FBXL17: variants seen among roughly 807,000 people sequenced by gnomAD.
FBXL17 encodes the protein F-box/LRR-repeat protein 17.
FBXL17 carries 22 observed loss-of-function variants against 66.2 expected under a neutral mutation model. The ratio of observed to expected loss-of-function variants is 0.33; its 90% confidence interval spans 0.24 to 0.47. FBXL17 has a LOEUF of 0.47. FBXL17 is among the 20% of genes least tolerant of loss of function. FBXL17 has a pLI of 1.00. For synonymous variants in FBXL17, 474 were observed against 400.5 expected, an observed-to-expected ratio of 1.18 and a Z score of -2.19; for missense variants, 878 against 948.2, an observed-to-expected ratio of 0.93 and a Z score of 0.97.
chr5:107,990,054 A>G (rs1753177855), intron 7 of FBXL17, among the ~76,000 whole-genome samples: 1 of 152,184 alleles, frequency 6.6e-6, no homozygotes, highest in Non-Finnish European at 1.5e-5. Flanking sequence ...TAACTGAGCA[A>G]CATATTCTAG....
intron 4 of FBXL17, among the ~76,000 whole-genome samples, chr5:108,302,927 G>C (rs1304877235): frequency 6.6e-6 from 1 of 151,586 alleles, no homozygotes; most frequent in Non-Finnish European, 1.5e-5. Flanking sequence ...ATACAGAAAG[G>C]CAATTTACGT....
At chr5:108,371,992 T>C (rs1371939475) in intron 1 of FBXL17, among the ~76,000 whole-genome samples, 1 of 152,148 alleles carries the variant, frequency 6.6e-6, no homozygotes, top group Non-Finnish European at 1.5e-5. Context: ...AAGCCTGCTC[T>C]CCAATTCTCC....
chr5:107,975,250 G>C (rs1752533423), intron 7 of FBXL17, among the ~76,000 whole-genome samples: 1 of 151,926 alleles, frequency 6.6e-6, no homozygotes, highest in Admixed American at 6.6e-5. Flanking sequence ...AGCACATCCA[G>C]GATAAGACAG....
At chr5:108,376,786 CTTT>C (rs11286870) in intron 1 of FBXL17, among the ~76,000 whole-genome samples, 59 of 109,976 alleles carry the variant, frequency 5.4e-4, no homozygotes, top group South Asian at 1.1e-3. Flanking sequence ...AGTGTATATT[CTTT>C]TTTTTTTTTT....
chr5:108,198,827 A>G (rs1753779661), intron 5 of FBXL17, among the ~76,000 whole-genome samples: 2 of 152,204 alleles, frequency 1.3e-5, no homozygotes, highest in African/African-American at 4.8e-5. Context: ...GTTAATGACT[A>G]TGCTACAGGG....
intron 5 of FBXL17, among the ~76,000 whole-genome samples, chr5:108,187,643 T>G (rs867400388): frequency 6.6e-6 from 1 of 152,300 alleles, no homozygotes; most frequent in African/African-American, 2.4e-5. Context: ...GAAACAGCCC[T>G]CAGCTGCCAG....
chr5:108,064,746 T>C (rs1299024244), intron 6 of FBXL17, among the ~76,000 whole-genome samples: 1 of 152,196 alleles, frequency 6.6e-6, no homozygotes, highest in East Asian at 1.9e-4. Context: ...AGTACAGAAT[T>C]TGCCTGATGG....
At chr5:108,348,316 G>T in intron 4 of FBXL17, 83 bp downstream of exon 4, 1 of 1,279,156 alleles carries the variant, frequency 7.8e-7, no homozygotes, top group Non-Finnish European at 1.1e-6. Flanking sequence ...AAGAAAATAA[G>T]CAGAAAAAAT....
intron 4 of FBXL17, among the ~76,000 whole-genome samples, chr5:108,237,970 ATTTG>A (rs1449448408): frequency 1.3e-5 from 2 of 152,234 alleles, no homozygotes; most frequent in African/African-American, 2.4e-5. Flanking sequence ...AAATTTTTCC[ATTTG>A]TTTACTCAAC....
intron 6 of FBXL17, among the ~76,000 whole-genome samples, chr5:108,121,079 C>G (rs996509271): frequency 6.6e-6 from 1 of 152,098 alleles, no homozygotes; most frequent in East Asian, 1.9e-4. Flanking sequence ...CCTGCAATCC[C>G]AACACTTTGG....
chr5:107,935,401 A>G (rs1750868078), intron 7 of FBXL17, among the ~76,000 whole-genome samples: 2 of 146,880 alleles, frequency 1.4e-5, no homozygotes, highest in Admixed American at 1.3e-4. Context: ...ATCTCTCTTT[A>G]TATATATATA....
intron 7 of FBXL17, among the ~76,000 whole-genome samples, chr5:107,988,094 A>T (rs1188611360): frequency 6.6e-6 from 1 of 152,008 alleles, no homozygotes; most frequent in Non-Finnish European, 1.5e-5. Flanking sequence ...GGTTTTCTCA[A>T]TTTTAAAATA....
intron 4 of FBXL17, among the ~76,000 whole-genome samples, chr5:108,278,109 C>G (rs557195644): frequency 6.6e-6 from 1 of 152,220 alleles, no homozygotes; most frequent in East Asian, 1.9e-4. Context: ...GGAGTTATCC[C>G]CAGTATGGGA....
In FBXL17 at chr5:108,170,126, T is replaced by C. The variant is rs2161189; in HGVS notation, c.1745+15991A>G. ...TGTGCACAATACAATATTAAAATCA[T>C]TGGTAATTTATTAATGAAAAAAAAT... is the stretch of plus-strand genomic sequence containing the variant. On this transcript the variant is annotated intron_variant, in intron 6 of 8. Coordinates refer to ENST00000542267, the MANE Select transcript of FBXL17 (RefSeq NM_001163315.3). Among the ~76,000 whole-genome samples, 13 of 152,136 alleles carry C rather than the reference T, an allele frequency of 8.5e-5. No individual in the cohort carries two copies. The East Asian group carries it at 1.5e-3, about 18-fold the overall frequency.
intron 4 of FBXL17, among the ~76,000 whole-genome samples, chr5:108,245,763 T>C (rs1756067535): frequency 6.6e-6 from 1 of 152,130 alleles, no homozygotes; most frequent in Non-Finnish European, 1.5e-5. Context: ...TTTATACAAA[T>C]CTGTTTAACT....
At chr5:108,293,338 G>A (rs1438366117) in intron 4 of FBXL17, among the ~76,000 whole-genome samples, 1 of 152,056 alleles carries the variant, frequency 6.6e-6, no homozygotes, top group African/African-American at 2.4e-5. Context: ...ACTACTGAAA[G>A]CTTTCACATC....
chr5:108,249,676 C>T (rs1188979899), intron 4 of FBXL17, among the ~76,000 whole-genome samples: 1 of 152,094 alleles, frequency 6.6e-6, no homozygotes, highest in African/African-American at 2.4e-5. Context: ...CTGGGTTTGG[C>T]CTCAGTTCAT....
chr5:108,162,143 T>G (rs1287314153), intron 6 of FBXL17, among the ~76,000 whole-genome samples: 1 of 152,206 alleles, frequency 6.6e-6, no homozygotes, highest in African/African-American at 2.4e-5. Context: ...TATGTGAAGG[T>G]AGGAAATCCA....
At chr5:107,933,113 C>T (rs1023936096) in intron 7 of FBXL17, among the ~76,000 whole-genome samples, 1 of 152,048 alleles carries the variant, frequency 6.6e-6, no homozygotes, top group African/African-American at 2.4e-5. Flanking sequence ...AGGTATGGAA[C>T]GGTACTGAAT....
Sources: allele counts gnomAD v4.1 joint callset (sites outside exome capture counted in the v4.1 genomes callset), GRCh38; gene constraint gnomAD v4.1.1; transcripts MANE v1.5; gene names NCBI Gene and HGNC (gene_info 2026-07-23, HGNC 2026-07-21).